The following DRC11 variants were observed in gnomAD, a reference collection of about 807,000 sequenced individuals.
DRC11 encodes IQ and AAA domain-containing protein 1.
the DRC11 span, among the ~76,000 whole-genome samples, chr2:236,476,077 G>A: frequency 6.6e-6 from 1 of 151,922 alleles, no homozygotes; most frequent in African/African-American, 2.4e-5. The surrounding 1 kb of genome is among the most constrained non-coding windows in gnomAD (Gnocchi z 4.7). Flanking sequence ...TGGTTCTATA[G>A]GAATTTTAGA....
chr2:236,359,253 A>G, the DRC11 span, among the ~76,000 whole-genome samples: 1 of 152,080 alleles, frequency 6.6e-6, no homozygotes, highest in East Asian at 1.9e-4. The surrounding 1 kb of genome is among the most constrained non-coding windows in gnomAD (Gnocchi z 4.3). Context: ...GTAAATAGTC[A>G]TTTACTTGTA....
At chr2:236,380,512 T>G in the DRC11 span, 1 of 1,379,946 alleles carries the variant, frequency 7.2e-7, no homozygotes, top group East Asian at 2.5e-5. The surrounding 1 kb of genome is among the most constrained non-coding windows in gnomAD (Gnocchi z 4.9). Context: ...CGGGGTTCCC[T>G]GTGCTGTTCT....
chr2:236,333,853 G>A, the DRC11 span, among the ~76,000 whole-genome samples: 3 of 152,168 alleles, frequency 2.0e-5, no homozygotes, highest in African/African-American at 7.2e-5. The surrounding 1 kb of genome is among the most constrained non-coding windows in gnomAD (Gnocchi z 6.0). Context: ...AGGGTGAACT[G>A]TACCGTGGGG....
the DRC11 span, chr2:236,440,962 C>A: frequency 1.1e-6 from 1 of 899,538 alleles, no homozygotes; most frequent in Non-Finnish European, 1.8e-6. Flanking sequence ...CCTAATAACG[C>A]TATAAACTCA....
the DRC11 span, among the ~76,000 whole-genome samples, chr2:236,500,682 A>G: frequency 6.6e-6 from 1 of 152,200 alleles, no homozygotes; most frequent in African/African-American, 2.4e-5. The surrounding 1 kb of genome is among the most constrained non-coding windows in gnomAD (Gnocchi z 6.3). Context: ...ATTGCTATAC[A>G]GAAATACCTG....
the DRC11 span, among the ~76,000 whole-genome samples, chr2:236,467,575 G>T: frequency 1.3e-5 from 2 of 152,026 alleles, no homozygotes; most frequent in African/African-American, 2.4e-5. Context: ...TGGTCACTAT[G>T]GCGAACACTG....
At chr2:236,349,810 C>A in the DRC11 span, among the ~76,000 whole-genome samples, 1 of 152,154 alleles carries the variant, frequency 6.6e-6, no homozygotes, top group East Asian at 1.9e-4. The surrounding 1 kb of genome is among the most constrained non-coding windows in gnomAD (Gnocchi z 5.5). Flanking sequence ...ATAATCTATA[C>A]AACAAACCCC....
At chr2:236,477,321 T>A in the DRC11 span, among the ~76,000 whole-genome samples, 1 of 152,174 alleles carries the variant, frequency 6.6e-6, no homozygotes, top group African/African-American at 2.4e-5. Context: ...ATTCTTACAA[T>A]GAAGTAAGCG....
the DRC11 span, among the ~76,000 whole-genome samples, chr2:236,495,808 C>T: frequency 6.6e-6 from 1 of 152,120 alleles, no homozygotes; most frequent in Non-Finnish European, 1.5e-5. The surrounding 1 kb of genome is among the most constrained non-coding windows in gnomAD (Gnocchi z 5.6). Flanking sequence ...CACTGTTGAC[C>T]GCCCTCTGCA....
At chr2:236,391,686 G>T in the DRC11 span, among the ~76,000 whole-genome samples, 1 of 152,110 alleles carries the variant, frequency 6.6e-6, no homozygotes, top group African/African-American at 2.4e-5. This position sits in a 1 kb window ranked among gnomAD's most constrained non-coding sequence, Gnocchi z 4.5. Context: ...ATGTGCTTTG[G>T]CTCTTTTGAT....
At chr2:236,344,076 G>A in the DRC11 span, among the ~76,000 whole-genome samples, 2 of 151,438 alleles carry the variant, frequency 1.3e-5, no homozygotes, top group African/African-American at 4.9e-5. Flanking sequence ...AAGTGGTGGA[G>A]GAGGGGGACC....
the DRC11 span, among the ~76,000 whole-genome samples, chr2:236,420,269 TC>T: frequency 6.6e-6 from 1 of 152,198 alleles, no homozygotes; most frequent in South Asian, 2.1e-4. The surrounding 1 kb of genome is among the most constrained non-coding windows in gnomAD (Gnocchi z 4.8). Flanking sequence ...GAGCTGGGAT[TC>T]AGCACGTGCT....
the DRC11 span, among the ~76,000 whole-genome samples, chr2:236,326,955 A>C: frequency 6.6e-6 from 1 of 151,876 alleles, no homozygotes; most frequent in Non-Finnish European, 1.5e-5. Flanking sequence ...CCTGACCTCA[A>C]GTGATCCACC....
At chr2:236,416,770 A>ATAT in the DRC11 span, among the ~76,000 whole-genome samples, 15 of 69,572 alleles carry the variant, frequency 2.2e-4, no homozygotes, top group African/African-American at 3.0e-4. Context: ...TATATATATA[A>ATAT]ATAATTTTGC....
the DRC11 span, chr2:236,343,633 G>T: frequency 1.0e-6 from 1 of 961,164 alleles, no homozygotes; most frequent in Non-Finnish European, 1.5e-6. This position sits in a 1 kb window ranked among gnomAD's most constrained non-coding sequence, Gnocchi z 6.6. Flanking sequence ...ACGAAACACT[G>T]CCCTGCATTT....
the DRC11 span, among the ~76,000 whole-genome samples, chr2:236,459,755 T>C: frequency 6.6e-6 from 1 of 150,726 alleles, no homozygotes; most frequent in South Asian, 2.1e-4. Context: ...AAAAATTTCA[T>C]GGTAGCTATC....
At chr2:236,363,843 AGAG>A in the DRC11 span, 26 of 1,613,860 alleles carry the variant, frequency 1.6e-5, no homozygotes, top group Non-Finnish European at 2.1e-5. This position sits in a 1 kb window ranked among gnomAD's most constrained non-coding sequence, Gnocchi z 5.6. Context: ...CAGCAATGTT[AGAG>A]GAGGACAAGT....
At chr2:236,495,939 G>C in the DRC11 span, among the ~76,000 whole-genome samples, 1 of 152,280 alleles carries the variant, frequency 6.6e-6, no homozygotes, top group South Asian at 2.1e-4. This position sits in a 1 kb window ranked among gnomAD's most constrained non-coding sequence, Gnocchi z 5.6. Flanking sequence ...AGAGGGGCCT[G>C]GCTGATGCAG....
the DRC11 span, among the ~76,000 whole-genome samples, chr2:236,469,447 A>G: frequency 3.3e-5 from 5 of 152,222 alleles, no homozygotes; most frequent in African/African-American, 1.2e-4. The surrounding 1 kb of genome is among the most constrained non-coding windows in gnomAD (Gnocchi z 5.8). Context: ...GAATGAAGAC[A>G]TGACTATCCC....
Sources: gnomAD v4.1 joint callset for allele counts (sites outside exome capture counted in the v4.1 genomes callset) on GRCh38, gnomAD v4.1.1 for gene constraint, Gnocchi (gnomAD v3.1) non-coding constraint, MANE v1.5 for transcripts, NCBI Gene and HGNC (gene_info 2026-07-23, HGNC 2026-07-21) for gene names.